CDH13: variants seen among roughly 807,000 people sequenced by gnomAD.
CDH13 encodes cadherin-13.
CDH13 carries 24 observed loss-of-function variants against 63.8 expected under a neutral mutation model. The ratio of observed to expected loss-of-function variants is 0.38; its 90% CI spans 0.27 to 0.53. The LOEUF (loss-of-function observed/expected upper bound fraction) is 0.53, where lower values mean the gene tolerates loss of function less well. CDH13 is among the 20% of genes least tolerant of loss of function. The pLI is 0.85. For missense variants in CDH13, 1,049 were observed against 903.1 expected, an observed-to-expected ratio of 1.16 and a Z score of -2.07; for synonymous variants, 503 against 355.3, an observed-to-expected ratio of 1.42 and a Z score of -4.67.
At chr16:83,092,718 C>G (rs2033978354) in intron 3 of CDH13, among the ~76,000 whole-genome samples, 1 of 152,128 alleles carries the variant, frequency 6.6e-6, no homozygotes, top group Admixed American at 6.5e-5. Flanking sequence ...CAGGTACATC[C>G]AGGTTTTCCC....
intron 2 of CDH13, chr16:83,022,913 C>T (rs907024371): frequency 6.6e-6 from 1 of 152,304 alleles, no homozygotes; most frequent in Non-Finnish European, 1.5e-5. Context: ...GCTCTGCAAG[C>T]AGGACTGTTC....
intron 2 of CDH13, among the ~76,000 whole-genome samples, chr16:83,030,234 A>G (rs1254790478): frequency 6.6e-6 from 1 of 152,172 alleles, no homozygotes; most frequent in East Asian, 1.9e-4. Context: ...TTGTACAGCC[A>G]TCTTTGATGC....
chr16:83,287,133 A>C (rs953781018), intron 5 of CDH13, among the ~76,000 whole-genome samples: 2 of 152,178 alleles, frequency 1.3e-5, no homozygotes, highest in African/African-American at 2.4e-5. Context: ...TCATTCTGCA[A>C]ATGTCAGTGG....
At chr16:83,423,746 G>T (rs2071790777) in intron 6 of CDH13, among the ~76,000 whole-genome samples, 1 of 152,212 alleles carries the variant, frequency 6.6e-6, no homozygotes, top group Non-Finnish European at 1.5e-5. Context: ...CAAAACATGT[G>T]TTTCTGGTTG....
intron 1 of CDH13, among the ~76,000 whole-genome samples, chr16:82,774,375 T>C (rs1365554094): frequency 6.6e-6 from 1 of 151,820 alleles, no homozygotes; most frequent in East Asian, 1.9e-4. Context: ...CTGTAAATTG[T>C]GGATACTTAC....
intron 7 of CDH13, among the ~76,000 whole-genome samples, chr16:83,525,520 C>T (rs2151625523): frequency 6.6e-6 from 1 of 152,344 alleles, no homozygotes; most frequent in East Asian, 1.9e-4. Context: ...TAAACAGCAC[C>T]TGCTTGTTGC....
At chr16:83,542,497 T>C (rs1034489964) in intron 7 of CDH13, among the ~76,000 whole-genome samples, 1 of 152,182 alleles carries the variant, frequency 6.6e-6, no homozygotes, top group Non-Finnish European at 1.5e-5. Flanking sequence ...CCAGGTGCAT[T>C]CGTTTGCAAC....
chr16:83,379,764 T>C (rs17284788), intron 6 of CDH13, among the ~76,000 whole-genome samples: 40,890 of 151,766 alleles, frequency 0.27, 5,893 homozygotes, highest in African/African-American at 0.31. Context: ...CATAAATGTG[T>C]ATCAATGGGT....
rs989222233 is a variant in CDH13, at chr16:82,858,773, A to G, written c.157+300A>G. On this transcript the variant is annotated intron_variant, in intron 2 of 13. Coordinates refer to ENST00000567109, the MANE Select transcript of CDH13 (RefSeq NM_001257.5). The stretch of plus-strand genomic sequence containing the variant: ...TTGTACACTGTGCAAAGGAAATGAA[A>G]TTCATTTCCCCTGGGCAGATCCCCA... The G allele has an allele frequency of 6.1e-5, 28 of 461,982 alleles. 1 individual carries two copies. The highest frequency in any genetic ancestry group is 1.0e-4 in the Non-Finnish European group (27 of 261,882). 28.6% of individuals were successfully genotyped at this position (461,982 alleles called of 1,614,324 possible).
At chr16:82,765,270 G>T (rs544515311) in intron 1 of CDH13, among the ~76,000 whole-genome samples, 1 of 152,092 alleles carries the variant, frequency 6.6e-6, no homozygotes, top group African/African-American at 2.4e-5. Flanking sequence ...TTGAAGCTCC[G>T]ATTACCAAGA....
chr16:83,583,054 C>T (rs1905780012), intron 7 of CDH13, among the ~76,000 whole-genome samples: 1 of 152,138 alleles, frequency 6.6e-6, no homozygotes, highest in South Asian at 2.1e-4. Context: ...CTCTCGTGGT[C>T]CCAGGGAGGA....
chr16:83,304,810 T>C (rs965576377), intron 5 of CDH13, among the ~76,000 whole-genome samples: 11 of 152,060 alleles, frequency 7.2e-5, no homozygotes, highest in African/African-American at 2.2e-4. Context: ...CTAGTAAGAG[T>C]GAATTAGGCT....
intron 6 of CDH13, among the ~76,000 whole-genome samples, chr16:83,379,938 T>TATATATATATATAGAG: frequency 6.0e-4 from 74 of 123,444 alleles, no homozygotes; most frequent in Middle Eastern, 4.2e-3. Flanking sequence ...TATATATATA[T>TATATATATATATAGAG]AGAGAGAGAG....
At chr16:82,694,070 A>G (rs1447238594) in intron 1 of CDH13, among the ~76,000 whole-genome samples, 1 of 152,236 alleles carries the variant, frequency 6.6e-6, no homozygotes, top group East Asian at 1.9e-4. Context: ...CTTAAACACT[A>G]TGATCATAAA....
intron 2 of CDH13, among the ~76,000 whole-genome samples, chr16:83,023,854 C>G (rs1915568344): frequency 6.6e-6 from 1 of 152,108 alleles, no homozygotes; most frequent in Non-Finnish European, 1.5e-5. Context: ...AGTCTGTTTT[C>G]TCCAGGAGAA....
intron 10 of CDH13, among the ~76,000 whole-genome samples, chr16:83,684,620 A>C (rs1904285910): frequency 2.6e-5 from 4 of 152,202 alleles, no homozygotes; most frequent in Admixed American, 1.3e-4. Context: ...GACAGAACTC[A>C]TCTTGCCCAG....
chr16:82,743,330 C>G (rs572086371), intron 1 of CDH13, among the ~76,000 whole-genome samples: 1 of 152,118 alleles, frequency 6.6e-6, no homozygotes, highest in Non-Finnish European at 1.5e-5. Flanking sequence ...CGGGCTTAGG[C>G]GATCCTCCCA....
chr16:82,693,755 T>G (rs963332902), intron 1 of CDH13, among the ~76,000 whole-genome samples: 1 of 152,214 alleles, frequency 6.6e-6, no homozygotes, highest in Non-Finnish European at 1.5e-5. Context: ...TGAGGCATAT[T>G]TCATGGAATG....
chr16:83,298,915 A>G (rs993400641), intron 5 of CDH13, among the ~76,000 whole-genome samples: 1 of 152,200 alleles, frequency 6.6e-6, no homozygotes, highest in Non-Finnish European at 1.5e-5. Flanking sequence ...TGCTTTATGT[A>G]TTTTGCAATA....
Sources: gnomAD v4.1 joint callset for allele counts (sites outside exome capture counted in the v4.1 genomes callset) on GRCh38, gnomAD v4.1.1 for gene constraint, MANE v1.5 for transcripts, NCBI Gene and HGNC (gene_info 2026-07-23, HGNC 2026-07-21) for gene names.